The following SZT2 variants were observed in gnomAD, a reference collection of about 807,000 sequenced individuals.
The protein encoded by SZT2 is SZT2 subunit of KICSTOR complex.
SZT2 carries 216 observed loss-of-function variants against 404.2 expected under a neutral mutation model. The ratio of observed to expected loss-of-function variants is 0.53; its 90% CI spans 0.48 to 0.60. SZT2 has a LOEUF of 0.60. Among genes scored for constraint, SZT2 ranks in the 20% least tolerant of loss-of-function variants. The pLI, the probability that SZT2 is intolerant of heterozygous loss-of-function variation, is 0.00. For missense variants in SZT2, 3,857 were observed against 4,459.2 expected, an observed-to-expected ratio of 0.86 and a Z score of 3.85; for synonymous variants, 1,693 against 1,749.9, an observed-to-expected ratio of 0.97 and a Z score of 0.81.
At chr1:43,440,641 C>T in intron 52 of SZT2, 55 bp downstream of exon 52, 1 of 1,485,328 alleles carries the variant, frequency 6.7e-7, no homozygotes, top group Non-Finnish European at 8.9e-7. Context: ...CTCCTAGCTC[C>T]TCCCACACTC....
Position 43,452,865 on chromosome 1 carries a change from A to C in SZT2, c.*2385A>C. The C allele has an allele frequency of 6.4e-7, 1 of 1,567,334 alleles. No homozygotes were observed. The highest frequency in any genetic ancestry group is 8.6e-7 in the Non-Finnish European group (1 of 1,156,578). ...ATCTTAGCCACATCCAGCTCCAAGC[A>C]GACATTCCAGGCCTCCCCATCCCAA... On this transcript the variant is annotated 3_prime_UTR_variant, in exon 72 of 72. Coordinates refer to ENST00000634258, the MANE Select transcript of SZT2 (RefSeq NM_001365999.1).
In SZT2 at chr1:43,452,193, C is replaced by G; in HGVS notation, c.*1713C>G. 2 of 1,603,856 alleles carry G rather than the reference C, an allele frequency of 1.2e-6. No individual in the cohort carries two copies. Among genetic ancestry groups the G allele is most frequent in the Non-Finnish European group, 1.7e-6 (2 of 1,172,918 alleles). Reference sequence around the variant, plus strand: ...AGACATGTAAGTACGTGTGTGTTTCCACCTTTCTCACCTGAGCCAAAACCC... The same window carrying G: ...AGACATGTAAGTACGTGTGTGTTTCGACCTTTCTCACCTGAGCCAAAACCC... On this transcript the variant is annotated 3_prime_UTR_variant, in exon 72 of 72. Coordinates refer to ENST00000634258, the MANE Select transcript of SZT2 (RefSeq NM_001365999.1).
intron 41 of SZT2, 81 bp from the exon 42 acceptor site, chr1:43,435,119 T>C: frequency 1.3e-6 from 2 of 1,515,074 alleles, no homozygotes; most frequent in Non-Finnish European, 1.8e-6. Context: ...TCATTCTCTC[T>C]GGCATTTGAT....
In SZT2 at chr1:43,439,108, A is replaced by C. The variant is rs138723430; in HGVS notation, c.6792+15A>C. On this transcript the variant is annotated intron_variant, in intron 48 of 71. Transcript: ENST00000634258. This position sits in a 1 kb window ranked among gnomAD's most constrained non-coding sequence, Gnocchi z 4.2. The stretch of plus-strand genomic sequence containing the variant: ...ACCACTTCCAAGTGAGATGGCACTC[A>C]TCTCTCTCCACACTCATGTGCACCC... The C allele has an allele frequency of 7.0e-4, 1,129 of 1,613,878 alleles. 4 individuals are homozygous for C. Among genetic ancestry groups the C allele is most frequent in the African/African-American group, 5.6e-3 (421 of 74,994 alleles).
In SZT2 at chr1:43,420,735, C is replaced by T. The variant is rs150704592; in HGVS notation, c.1262-14C>T. 1,324 of 1,597,280 alleles carry T rather than the reference C, an allele frequency of 8.3e-4. 14 individuals carry two copies. The African/African-American group carries it at 0.014, about 17-fold the overall frequency. On this transcript the variant is annotated splice_polypyrimidine_tract_variant and intron_variant, in intron 9 of 71. Coordinates refer to ENST00000634258, the MANE Select transcript of SZT2 (RefSeq NM_001365999.1). This position sits in a 1 kb window ranked among gnomAD's most constrained non-coding sequence, Gnocchi z 5.1. ...TATGCCTTCTCCTAACTGGCCCTTC[C>T]GCTTCTCCCTAAGGAGGGTCCCAAT...
chr1:43,447,781 T>A (rs1379978797), intron 67 of SZT2, 68 bp from the exon 68 acceptor site: 3 of 1,610,994 alleles, frequency 1.9e-6, no homozygotes, highest in African/African-American at 2.7e-5. Flanking sequence ...CAATGTTTTC[T>A]TGGGCAGGGG....
In SZT2 at chr1:43,424,989, A is replaced by G; in HGVS notation, c.2551-124A>G. On this transcript the variant is annotated intron_variant, in intron 17 of 71. Transcript: ENST00000634258. The surrounding 1 kb of genome is among the most constrained non-coding windows in gnomAD (Gnocchi z 4.1). ...GGACCCTGTGGCCAGAGGATGCTCA[A>G]GGTCTGAGGCTGCAGTCATAGGACA... The G allele has an allele frequency of 6.7e-7, 1 of 1,500,444 alleles. No homozygotes were observed. Among genetic ancestry groups the G allele is most frequent in the Non-Finnish European group, 9.2e-7 (1 of 1,081,484 alleles). The allele number at this position is 1,500,444 out of a possible 1,614,324, so 92.9% of individuals were successfully genotyped here. A position where few individuals can be genotyped will look rare whatever the true frequency, so the allele number is the denominator to read the frequency against.
At position 43,396,130 on chromosome 1, in the gene SZT2, C is replaced by T. The variant is rs58167785; in HGVS notation, c.27+6135C>T. 4.2e-3 allele frequency among the ~76,000 whole-genome samples: 638 copies of T among 152,314 alleles called. 3 individuals carry two copies. The highest frequency in any genetic ancestry group is 0.015 in the African/African-American group (611 of 41,566). On this transcript the variant is annotated intron_variant, in intron 1 of 71. Coordinates refer to ENST00000634258, the MANE Select transcript of SZT2 (RefSeq NM_001365999.1). ...CTAGGAGAATCTGAATCTGTGACCT[C>T]ATTTGAGTATTATGTTCCATTCTGG...
At chr1:43,446,453 C>T (rs992577719) in intron 65 of SZT2, 37 bp downstream of exon 65, 4 of 1,610,910 alleles carry the variant, frequency 2.5e-6, no homozygotes, top group Admixed American at 1.7e-5. Context: ...CAGTGCACCC[C>T]AGTGTGCTGT....
chr1:43,442,165 A>G lies in SZT2; in HGVS notation c.7873+35A>G. ...TGGCCCGGGGGGGCGGGGGGCGGGTAGGCTAAGAGTAACTGGTGGGGTCTC... is the reference window on the plus strand; with the variant it reads ...TGGCCCGGGGGGGCGGGGGGCGGGTGGGCTAAGAGTAACTGGTGGGGTCTC... On this transcript the variant is annotated intron_variant, in intron 56 of 71. Transcript: ENST00000634258. This position sits in a 1 kb window ranked among gnomAD's most constrained non-coding sequence, Gnocchi z 4.5. 3 of 1,566,542 alleles carry G rather than the reference A, an allele frequency of 1.9e-6. No individual in the cohort carries two copies. Among genetic ancestry groups the G allele is most frequent in the East Asian group, 2.3e-5 (1 of 44,162 alleles).
chr1:43,419,736 G>A lies in SZT2; in HGVS notation c.882G>A (p.Val294=). The change falls in exon 8 of 72, where the codon GTG becomes GTA. Residue 294 remains valine (V), a splice_region_variant and synonymous_variant. Coordinates refer to ENST00000634258, the MANE Select transcript of SZT2 (RefSeq NM_001365999.1). ...SGTVACSFVQ[V]GGVYSYDCSF... ...CTTCAGTTGCTCACTTTTTCCAGGT[G>A]GGAGGAGTTTACTCTTATGACTGCA... 3 of 1,597,504 alleles carry A rather than the reference G, an allele frequency of 1.9e-6. No homozygotes were observed. Among genetic ancestry groups the A allele is most frequent in the Non-Finnish European group, 2.5e-6 (3 of 1,179,328 alleles).
chr1:43,417,851 A>C (rs1390361735), intron 7 of SZT2, among the ~76,000 whole-genome samples: 1 of 152,136 alleles, frequency 6.6e-6, no homozygotes, highest in Non-Finnish European at 1.5e-5. Flanking sequence ...TTTGGGGAAC[A>C]CCAGTGTTCA....
At chr1:43,430,240 G>A (rs1653698604) in intron 30 of SZT2, 71 bp from the exon 31 acceptor site, 10 of 1,578,036 alleles carry the variant, frequency 6.3e-6, no homozygotes, top group South Asian at 3.3e-5. Context: ...CAAGACAAGT[G>A]TAATCCCACT....
At chr1:43,405,373 A>C (rs1331669150) in intron 4 of SZT2, 2 of 152,128 alleles carry the variant, frequency 1.3e-5, no homozygotes, top group African/African-American at 4.8e-5. Flanking sequence ...CACACAGATA[A>C]TTACAGGGCT....
Position 43,450,616 on chromosome 1 carries a change from A to T in SZT2, c.*136A>T. 1 of 1,339,748 alleles carries T rather than the reference A, an allele frequency of 7.5e-7. No homozygotes were observed. Among genetic ancestry groups the T allele is most frequent in the Admixed American group, 2.1e-5 (1 of 47,612 alleles). 83.0% of individuals were successfully genotyped at this position (1,339,748 alleles called of 1,614,324 possible). A position where few individuals can be genotyped will look rare whatever the true frequency, so the allele number is the denominator to read the frequency against. On this transcript the variant is annotated 3_prime_UTR_variant, in exon 72 of 72. Transcript: ENST00000634258. This position sits in a 1 kb window ranked among gnomAD's most constrained non-coding sequence, Gnocchi z 4.3. ...ACTGAGTGACACCAAAGGCTTTGTA[A>T]CTATGTCTTGAGGGTCTGCTGCCCC...
rs1338780750 is a variant in SZT2, at chr1:43,432,353, C to T, written c.5356C>T (p.Gln1786Ter). The change falls in exon 37 of 72, where the codon CAG becomes TAG. Residue 1786 changes from glutamine (Q) to a stop codon, truncating the protein, a stop_gained. Coordinates refer to ENST00000634258, the MANE Select transcript of SZT2 (RefSeq NM_001365999.1). LOFTEE classifies it high-confidence loss of function. Reference protein sequence around the residue: ...SGFFFVAAGQQPGGSHGEPSS... With the variant: ...SGFFFVAAGQ ...CTTCTTCTTTGTGGCAGCTGGCCAACAGCCAGGTGGGTCCCATGGGGAGCC... is the reference window on the plus strand; with the variant it reads ...CTTCTTCTTTGTGGCAGCTGGCCAATAGCCAGGTGGGTCCCATGGGGAGCC... The T allele has an allele frequency of 2.5e-6, 4 of 1,607,564 alleles. No individual in the cohort carries two copies. The highest frequency in any genetic ancestry group is 3.4e-6 in the Non-Finnish European group (4 of 1,177,068).
Position 43,442,950 on chromosome 1 carries a change from A to G in SZT2, c.8283A>G (p.Thr2761=). Residue 2761 remains threonine (T), a synonymous_variant, in exon 59 of 72, where the codon ACA becomes ACG. Transcript: ENST00000634258. The surrounding 1 kb of genome is among the most constrained non-coding windows in gnomAD (Gnocchi z 4.5). Reference sequence around the variant, plus strand: ...GTGGGGGTCCTCTTCCCCTGGACACATTCCCCTTTGACGAGGCCCTAAGGG... The same window carrying G: ...GTGGGGGTCCTCTTCCCCTGGACACGTTCCCCTTTGACGAGGCCCTAAGGG... ...SRGGGPLPLD[T]FPFDEALRDI... 2 of 1,614,076 alleles carry G rather than the reference A, an allele frequency of 1.2e-6. No individual in the cohort carries two copies. Among genetic ancestry groups the G allele is most frequent in the Non-Finnish European group, 1.7e-6 (2 of 1,180,000 alleles).
At position 43,430,663 on chromosome 1, in the gene SZT2, G is replaced by A. The variant is rs758261150; in HGVS notation, c.4648G>A (p.Asp1550Asn). 48 of 1,613,994 alleles carry A rather than the reference G, an allele frequency of 3.0e-5. No homozygotes were observed. Among genetic ancestry groups the A allele is most frequent in the East Asian group, 6.7e-5 (3 of 44,892 alleles). ...DEDSFSILGGDSPTGPESFLH... is the reference protein window; with the variant it reads ...DEDSFSILGGNSPTGPESFLH... ...AGACTCCTTCAGTATCTTGGGGGGCGACTCACCCACTGGGCCTGAGAGCTT... is the reference window on the plus strand; with the variant it reads ...AGACTCCTTCAGTATCTTGGGGGGCAACTCACCCACTGGGCCTGAGAGCTT... Residue 1550 changes from aspartate (D) to asparagine (N), a missense_variant, in exon 32 of 72, where the codon GAC (aspartate) becomes AAC (asparagine). Asp to Asn is a conservative substitution (Grantham distance 23). Coordinates refer to ENST00000634258, the MANE Select transcript of SZT2 (RefSeq NM_001365999.1).
rs1653868760 is a variant in SZT2, at chr1:43,431,474, C to T, written c.5039C>T (p.Ser1680Phe). Reference protein sequence around the residue: ...PPEEERHPGLSNLATPHRLAI... With the variant: ...PPEEERHPGLFNLATPHRLAI... ...CTTCCAATTAGGCACCCAGGACTAT[C>T]CAATTTGGCCACGCCCCACAGACTG... is the stretch of plus-strand genomic sequence containing the variant. The change falls in exon 35 of 72, where the codon TCC becomes TTC. Residue 1680 changes from serine to phenylalanine, a missense_variant. Ser to Phe is a radical substitution (Grantham distance 155). This residue lies in a region of SZT2 where 1,725 missense variants were observed against 1,881.0 expected (regional missense o/e 0.92). Transcript: ENST00000634258. 1.3e-5 allele frequency: 21 copies of T among 1,614,192 alleles called. No individual in the cohort carries two copies. Among genetic ancestry groups the T allele is most frequent in the Non-Finnish European group, 1.8e-5 (21 of 1,180,030 alleles).
Sources: allele counts gnomAD v4.1 joint callset (sites outside exome capture counted in the v4.1 genomes callset), GRCh38; gene constraint gnomAD v4.1.1; regional missense constraint gnomAD v4.1.1; non-coding constraint Gnocchi (gnomAD v3.1); transcripts MANE v1.5; gene names NCBI Gene and HGNC (gene_info 2026-07-23, HGNC 2026-07-21).